SERPINB8: variants seen among roughly 807,000 people sequenced by gnomAD.
The protein encoded by SERPINB8 is serpin family B member 8, also known as serpin B8.
SERPINB8 carries 25 observed loss-of-function variants against 35.3 expected under a neutral mutation model. The ratio of observed to expected loss-of-function variants is 0.71; its 90% CI spans 0.52 to 0.99. The LOEUF (loss-of-function observed/expected upper bound fraction) is 0.99, where lower values mean the gene tolerates loss of function less well. SERPINB8 is among the 50% of genes least tolerant of loss of function. The probability of loss-of-function intolerance (pLI) is 0.00; values close to 1 mark genes in which losing one functional copy is unlikely to be tolerated. For missense variants in SERPINB8, 484 were observed against 446.5 expected, an observed-to-expected ratio of 1.08 and a Z score of -0.76; for synonymous variants, 186 against 160.8, an observed-to-expected ratio of 1.16 and a Z score of -1.19.
At chr18:63,986,533 G>A (rs1233868658) in intron 6 of SERPINB8, 3 of 1,340,596 alleles carry the variant, frequency 2.2e-6, no homozygotes, top group African/African-American at 1.5e-5. Context: ...ACAGTAGTAT[G>A]TATTGCATGA....
chr18:63,983,076 A>G (rs1049956928), intron 4 of SERPINB8, among the ~76,000 whole-genome samples: 4 of 152,212 alleles, frequency 2.6e-5, no homozygotes, highest in African/African-American at 9.7e-5. Flanking sequence ...GTGCCATTGG[A>G]TAATGGCTGA....
chr18:63,970,491 G>A (rs1247687295), intron 1 of SERPINB8: 1 of 152,624 alleles, frequency 6.6e-6, no homozygotes, highest in East Asian at 1.9e-4. Context: ...CCTGGAGAGG[G>A]AGCGTCTGTT....
intron 6 of SERPINB8, chr18:63,986,422 G>C: frequency 6.8e-7 from 1 of 1,476,502 alleles, no homozygotes; most frequent in Non-Finnish European, 9.0e-7. Flanking sequence ...CTTTTACTCT[G>C]AGTTGCCCTC....
downstream of SERPINB8, among the ~76,000 whole-genome samples, chr18:63,994,145 C>T (rs1348681178): frequency 1.3e-5 from 2 of 152,044 alleles, no homozygotes; most frequent in African/African-American, 4.8e-5. Flanking sequence ...AGACAATTCT[C>T]CCACCTCTGC....
At chr18:64,007,331 T>G (rs2050904705), downstream of SERPINB8, among the ~76,000 whole-genome samples, 1 of 152,076 alleles carries the variant, frequency 6.6e-6, no homozygotes, top group Non-Finnish European at 1.5e-5. Context: ...AAATCAAAAA[T>G]TTAACGTTCT....
downstream of SERPINB8, among the ~76,000 whole-genome samples, chr18:64,008,130 A>G (rs2050908789): frequency 1.3e-5 from 2 of 152,230 alleles, no homozygotes; most frequent in South Asian, 4.1e-4. Context: ...CAGGTTAAAC[A>G]AAATGAAAGA....
intron 2 of SERPINB8, among the ~76,000 whole-genome samples, 172 bp from the exon 3 acceptor site, chr18:63,979,629 A>G (rs930907733): frequency 6.6e-6 from 1 of 152,228 alleles, no homozygotes; most frequent in Admixed American, 6.5e-5. Context: ...TCCTGGCCCC[A>G]AATGTCAATG....
At chr18:64,002,835 CCTGCAGTCGCCGCCGT>C (rs934912323) in intron 1 of SERPINB8, among the ~76,000 whole-genome samples, 8 of 152,160 alleles carry the variant, frequency 5.3e-5, no homozygotes, top group African/African-American at 1.9e-4. Context: ...CCCACCGCCG[CCTGCAGTCGCCGCCGT>C]CTGTGGTCGC....
chr18:64,002,594 A>T (rs983803157), intron 1 of SERPINB8, among the ~76,000 whole-genome samples: 2 of 152,160 alleles, frequency 1.3e-5, no homozygotes, highest in Admixed American at 1.3e-4. Context: ...TCCTCCTTGC[A>T]AGAGCAGGAG....
At chr18:64,011,576 C>T (rs1398323525) in intron 7 of SERPINB8, among the ~76,000 whole-genome samples, 1 of 152,072 alleles carries the variant, frequency 6.6e-6, no homozygotes, top group Non-Finnish European at 1.5e-5. Flanking sequence ...GTGTGTATTT[C>T]ATCATTGGTG....
At chr18:64,009,151 T>C (rs142199125), downstream of SERPINB8, among the ~76,000 whole-genome samples, 783 of 152,252 alleles carry the variant, frequency 5.1e-3, 6 homozygotes, top group African/African-American at 0.017. Flanking sequence ...ATAAGCAAGA[T>C]TGTTATGTTG....
At chr18:63,997,126 A>G (rs2050853716) in intron 1 of SERPINB8, among the ~76,000 whole-genome samples, 1 of 152,234 alleles carries the variant, frequency 6.6e-6, no homozygotes, top group Non-Finnish European at 1.5e-5. Context: ...TTCAACTTAT[A>G]AGATCCTGGA....
downstream of SERPINB8, among the ~76,000 whole-genome samples, chr18:64,008,379 A>T (rs2144847568): frequency 6.6e-6 from 1 of 151,784 alleles, no homozygotes; most frequent in South Asian, 2.1e-4. Context: ...AGTAGCTGGG[A>T]TTACAGGCCC....
chr18:63,995,606 TTGC>T (rs757425118), intron 1 of SERPINB8, among the ~76,000 whole-genome samples: 9 of 152,162 alleles, frequency 5.9e-5, no homozygotes, highest in Non-Finnish European at 1.2e-4. Flanking sequence ...CTGATGGAAA[TTGC>T]TGCACTTAGG....
downstream of SERPINB8, among the ~76,000 whole-genome samples, chr18:63,990,623 G>A (rs370801785): frequency 3.3e-5 from 5 of 151,524 alleles, 1 homozygote; most frequent in South Asian, 8.3e-4. Context: ...CCATTAACTC[G>A]TCATTTAACT....
At chr18:64,009,697 G>GT (rs34287433), downstream of SERPINB8, among the ~76,000 whole-genome samples, 1 of 152,188 alleles carries the variant, frequency 6.6e-6, no homozygotes. Context: ...AGCTGCAAAA[G>GT]TTTTTTTGTG....
chr18:64,001,564 C>T (rs2144841735), intron 1 of SERPINB8, among the ~76,000 whole-genome samples: 1 of 152,192 alleles, frequency 6.6e-6, no homozygotes, highest in East Asian at 1.9e-4. Context: ...AATCTCTGCT[C>T]ACTGCAACCT....
At chr18:63,986,322 G>A in intron 6 of SERPINB8, 1 of 1,605,820 alleles carries the variant, frequency 6.2e-7, no homozygotes, top group South Asian at 1.1e-5. Context: ...AAACAAGGAT[G>A]CTGATGAAGT....
intron 1 of SERPINB8, among the ~76,000 whole-genome samples, chr18:63,998,505 T>A (rs959541508): frequency 5.3e-5 from 8 of 152,196 alleles, no homozygotes; most frequent in African/African-American, 1.9e-4. Context: ...ATGGACAATA[T>A]AATCCCAGCC....
Sources: allele counts gnomAD v4.1 joint callset (sites outside exome capture counted in the v4.1 genomes callset), GRCh38; gene constraint gnomAD v4.1.1; transcripts MANE v1.5; gene names NCBI Gene and HGNC (gene_info 2026-07-23, HGNC 2026-07-21).